Variants in LEMD3 observed in about 807,000 individuals in gnomAD.
LEMD3 encodes inner nuclear membrane protein Man1.
LEMD3 carries 33 observed loss-of-function variants against 95.2 expected under a neutral mutation model. The ratio of observed to expected loss-of-function variants is 0.35; its 90% CI spans 0.26 to 0.46. The LOEUF (loss-of-function observed/expected upper bound fraction) is 0.46. Among genes scored for constraint, LEMD3 ranks in the 20% least tolerant of loss-of-function variants. The probability of loss-of-function intolerance (pLI) is 1.00; values close to 1 mark genes in which losing one functional copy is unlikely to be tolerated. For synonymous variants in LEMD3, 525 were observed against 474.6 expected (o/e 1.11, Z -1.38); for missense variants, 1,210 against 1,192.8 (o/e 1.01, Z -0.21).
In LEMD3 at chr12:65,170,668, C is replaced by G; in HGVS notation, c.1072C>G (p.Arg358Gly). Residue 358 changes from arginine (R) to glycine (G), a missense_variant, in exon 1 of 13, where the codon CGT becomes GGT. Around this residue, in one of 2 missense-constraint regions of LEMD3, gnomAD observed 749 missense variants for 622.9 expected, o/e 1.20. Transcript: ENST00000308330. ...QVDSSPVPRY[R>G]VNAKKLTPLL... ...GGACTCCAGCCCCGTTCCTAGATACCGTGTTAACGCTAAGAAACTGACCCC... is the reference window on the plus strand; with the variant it reads ...GGACTCCAGCCCCGTTCCTAGATACGGTGTTAACGCTAAGAAACTGACCCC... 6.2e-7 allele frequency: 1 copy of G among 1,614,170 alleles called. No individual in the cohort carries two copies. Among genetic ancestry groups the G allele is most frequent in the South Asian group, 1.1e-5 (1 of 91,080 alleles).
chr12:65,183,722 T>G (rs1296136320), intron 1 of LEMD3, among the ~76,000 whole-genome samples: 3 of 152,154 alleles, frequency 2.0e-5, no homozygotes, highest in Admixed American at 6.5e-5. Flanking sequence ...GGCAGGTAGG[T>G]GGGTGAGGTG....
intron 2 of LEMD3, among the ~76,000 whole-genome samples, 161 bp from the exon 3 acceptor site, chr12:65,215,816 T>C (rs1870089474): frequency 6.6e-6 from 1 of 152,096 alleles, no homozygotes; most frequent in East Asian, 1.9e-4. Context: ...AGATTAAGGT[T>C]TCTTAAAAAT....
At chr12:65,196,190 G>A (rs1285151640) in intron 1 of LEMD3, among the ~76,000 whole-genome samples, 1 of 151,856 alleles carries the variant, frequency 6.6e-6, no homozygotes, top group Non-Finnish European at 1.5e-5. Context: ...GGCAGAGGAT[G>A]GGGTGGGGTG....
At chr12:65,193,051 A>G (rs1457537483) in intron 1 of LEMD3, among the ~76,000 whole-genome samples, 1 of 152,208 alleles carries the variant, frequency 6.6e-6, no homozygotes, top group Admixed American at 6.6e-5. Flanking sequence ...TGTATAATAC[A>G]TGATGCTGTT....
intron 1 of LEMD3, among the ~76,000 whole-genome samples, chr12:65,176,156 G>C (rs920118736): frequency 3.9e-5 from 6 of 152,256 alleles, no homozygotes; most frequent in Admixed American, 3.9e-4. Flanking sequence ...ACAGAGCAGC[G>C]TTTCTAAAGC....
At position 65,238,600 on chromosome 12, in the gene LEMD3, A is replaced by C. The variant is rs34915764; in HGVS notation, c.1775+19A>C. On this transcript the variant is annotated intron_variant, in intron 5 of 12. Coordinates refer to ENST00000308330, the MANE Select transcript of LEMD3 (RefSeq NM_014319.5). ...GAATAAGGTAAAGGATCTGATTTCC[A>C]CTTTGACCATTCTGTACTGGGAGAA... The C allele has an allele frequency of 2.5e-6, 4 of 1,611,862 alleles. No individual in the cohort carries two copies. Among genetic ancestry groups the C allele is most frequent in the Admixed American group, 1.7e-5 (1 of 60,010 alleles).
At chr12:65,183,668 T>C (rs986263960) in intron 1 of LEMD3, among the ~76,000 whole-genome samples, 52 of 152,150 alleles carry the variant, frequency 3.4e-4, no homozygotes, top group African/African-American at 1.2e-3. Flanking sequence ...TGTCCTGTTT[T>C]TTGTTTCTGT....
rs11175679 is a variant in LEMD3, at chr12:65,211,393, G to A, written c.1560+430G>A. Among the ~76,000 whole-genome samples, 2,325 of 152,128 alleles carry A rather than the reference G, an allele frequency of 0.015. 88 individuals are homozygous for A. In the East Asian group the frequency reaches 0.17, roughly 11 times the overall value. On this transcript the variant is annotated intron_variant, in intron 2 of 12. Coordinates refer to ENST00000308330, the MANE Select transcript of LEMD3 (RefSeq NM_014319.5). Reference sequence around the variant, plus strand: ...CTTCTGCATATTGGCATGCCTATTCGACCATCAAAAGGACTTAGAAAGGAA... The same window carrying A: ...CTTCTGCATATTGGCATGCCTATTCAACCATCAAAAGGACTTAGAAAGGAA...
intron 2 of LEMD3, among the ~76,000 whole-genome samples, chr12:65,211,896 G>T (rs946047378): frequency 1.3e-5 from 2 of 152,154 alleles, no homozygotes; most frequent in African/African-American, 4.8e-5. Flanking sequence ...CTGAATAATA[G>T]TAACAATTAT....
intron 1 of LEMD3, among the ~76,000 whole-genome samples, chr12:65,203,272 T>G (rs907980017): frequency 7.3e-6 from 1 of 137,810 alleles, no homozygotes; most frequent in African/African-American, 2.6e-5. Context: ...TGCTTAGCGT[T>G]CCAATAATGG....
In LEMD3 at chr12:65,170,547, G is replaced by A. The variant is rs1868504836; in HGVS notation, c.951G>A (p.Ala317=). The A allele has an allele frequency of 6.2e-7, 1 of 1,613,990 alleles. No individual in the cohort carries two copies. Among genetic ancestry groups the A allele is most frequent in the Admixed American group, 1.7e-5 (1 of 60,006 alleles). Residue 317 remains alanine (A), a synonymous_variant, in exon 1 of 13, where the codon GCG becomes GCA. Transcript: ENST00000308330. ...ETSVQGGGGL[A]MNDRAAAAGS... is the part of the protein sequence containing the mutation. Reference sequence around the variant, plus strand: ...CAGTTCAGGGAGGGGGAGGACTCGCGATGAATGACAGGGCGGCGGCTGCCG... The same window carrying A: ...CAGTTCAGGGAGGGGGAGGACTCGCAATGAATGACAGGGCGGCGGCTGCCG...
In LEMD3 at chr12:65,247,121, A is replaced by G. The variant is rs1277560927; in HGVS notation, c.*796A>G. 6.6e-6 allele frequency: 1 copy of G among 152,598 alleles called. No homozygotes were observed. The highest frequency in any genetic ancestry group is 1.5e-5 in the Non-Finnish European group (1 of 67,994). The allele number at this position is 152,598 out of a possible 1,614,324, so 9.5% of individuals were successfully genotyped here. A position where few individuals can be genotyped will look rare whatever the true frequency, so the allele number is the denominator to read the frequency against. On this transcript the variant is annotated 3_prime_UTR_variant, in exon 13 of 13. Transcript: ENST00000308330. Reference sequence around the variant, plus strand: ...ATCAAACAGCCAAACACCTGGAAGTATTAGATACAAGTTTAAAATATCTTT... The same window carrying G: ...ATCAAACAGCCAAACACCTGGAAGTGTTAGATACAAGTTTAAAATATCTTT...
At chr12:65,237,302 T>C (rs1365800342) in intron 4 of LEMD3, among the ~76,000 whole-genome samples, 1 of 152,220 alleles carries the variant, frequency 6.6e-6, no homozygotes, top group East Asian at 1.9e-4. Flanking sequence ...TCTGCTTCTT[T>C]ATTCAATCTG....
At chr12:65,233,499 A>G (rs369355326) in intron 4 of LEMD3, among the ~76,000 whole-genome samples, 15 of 152,158 alleles carry the variant, frequency 9.9e-5, no homozygotes, top group East Asian at 3.9e-4. Context: ...TACAATTCTT[A>G]CTGAATCAGG....
intron 4 of LEMD3, among the ~76,000 whole-genome samples, chr12:65,236,411 G>T (rs116490294): frequency 1.3e-3 from 199 of 152,234 alleles, no homozygotes; most frequent in African/African-American, 4.4e-3. Context: ...AGCTGGGTGT[G>T]GTGGCACACG....
rs779276438 is a variant in LEMD3 at position 65,215,980 on chromosome 12, A to C, written c.1564A>C (p.Ser522Arg). 6.7e-7 allele frequency: 1 copy of C among 1,487,498 alleles called. No individual in the cohort carries two copies. Among genetic ancestry groups the C allele is most frequent in the Non-Finnish European group, 9.2e-7 (1 of 1,081,638 alleles). 92.1% of individuals were successfully genotyped at this position (1,487,498 alleles called of 1,614,324 possible). The change falls in exon 3 of 13, where the codon AGT becomes CGT. Residue 522 changes from serine (S) to arginine (R), a missense_variant. Around this residue, in one of 2 missense-constraint regions of LEMD3, gnomAD observed 461 missense variants for 569.8 expected, o/e 0.81. Coordinates refer to ENST00000308330, the MANE Select transcript of LEMD3 (RefSeq NM_014319.5). ...TAATAACTTCTCTTAATTTTAGGAA[A>C]GTGAAAAAACTCTTATGATGAACAC... ...FGETFGKIQESEKTLMMNTLY... is the reference protein window; with the variant it reads ...FGETFGKIQEREKTLMMNTLY...
At chr12:65,191,311 TTTA>T (rs1869232565) in intron 1 of LEMD3, among the ~76,000 whole-genome samples, 1 of 152,092 alleles carries the variant, frequency 6.6e-6, no homozygotes, top group Admixed American at 6.6e-5. Flanking sequence ...ATGATAAGAA[TTTA>T]TTATGCAATC....
rs546857216 is a variant in LEMD3 at position 65,191,486 on chromosome 12, ACAT to A, written c.1523-19436_1523-19434del. ...GCAAATATAACTCAAGGAAAGTTAA[ACAT>A]CATTGCTTATTTGACAGTGCTTACC... On this transcript the variant is annotated intron_variant, in intron 1 of 12. Transcript: ENST00000308330. Among the ~76,000 whole-genome samples the A allele has an allele frequency of 5.9e-5, 9 of 152,314 alleles. No individual in the cohort carries two copies. The South Asian group carries it at 1.9e-3, about 32-fold the overall frequency.
At chr12:65,226,864 C>T (rs114410028) in intron 4 of LEMD3, among the ~76,000 whole-genome samples, 4,122 of 152,224 alleles carry the variant, frequency 0.027, 218 homozygotes, top group African/African-American at 0.094. Flanking sequence ...AATTCAATTT[C>T]TGTGTTTTCT....
Sources: allele counts gnomAD v4.1 joint callset (sites outside exome capture counted in the v4.1 genomes callset), GRCh38; gene constraint gnomAD v4.1.1; regional missense constraint gnomAD v4.1.1; transcripts MANE v1.5; gene names NCBI Gene and HGNC (gene_info 2026-07-23, HGNC 2026-07-21).